Variants in CACNA1C observed in about 807,000 individuals in gnomAD.
The protein encoded by CACNA1C is calcium voltage-gated channel subunit alpha1 C, also known as voltage-dependent L-type calcium channel subunit alpha-1C.
In CACNA1C, 30 loss-of-function variants were observed where a neutral mutation model predicts 229.0. The ratio of observed to expected loss-of-function variants is 0.13; its 90% CI spans 0.10 to 0.18. CACNA1C has a LOEUF of 0.18. CACNA1C is among the 10% of genes least tolerant of loss of function. The pLI, the probability that CACNA1C is intolerant of heterozygous loss-of-function variation, is 1.00. For synonymous variants in CACNA1C, 1,114 were observed against 1,132.5 expected (o/e 0.98, Z 0.33); for missense variants, 1,658 against 2,845.0 (o/e 0.58, Z 9.49).
chr12:2,073,832 G>A (rs142754218), intron 1 of CACNA1C, among the ~76,000 whole-genome samples: 102 of 152,230 alleles, frequency 6.7e-4, no homozygotes, highest in African/African-American at 2.3e-3. Context: ...AGTTAAATCC[G>A]GCAAAGGAGA....
chr12:2,555,157 C>G (rs948285664), intron 10 of CACNA1C, among the ~76,000 whole-genome samples: 1 of 152,232 alleles, frequency 6.6e-6, no homozygotes, highest in African/African-American at 2.4e-5. Context: ...TTCCCAGCAC[C>G]CCCAGCGCCA....
intron 3 of CACNA1C, among the ~76,000 whole-genome samples, chr12:2,186,298 G>A (rs142486129): frequency 4.5e-4 from 68 of 152,282 alleles, no homozygotes; most frequent in African/African-American, 1.5e-3. Flanking sequence ...CATGTTATGG[G>A]TGGCCGGGAA....
Position 2,457,435 on chromosome 12 carries a change from C to T in CACNA1C, c.618-132C>T. 3 of 889,064 alleles carry T rather than the reference C, an allele frequency of 3.4e-6. 1 individual carries two copies. Among genetic ancestry groups the T allele is most frequent in the Middle Eastern group, 2.4e-4 (1 of 4,188 alleles). The allele number at this position is 889,064 out of a possible 1,614,324, so 55.1% of individuals were successfully genotyped here. ...CAACCACCCACAGACTCCACGCACA[C>T]CCACAACGCCCGCCCCTGGGCTGGA... is the stretch of plus-strand genomic sequence containing the variant. On this transcript the variant is annotated intron_variant, in intron 4 of 46. Transcript: ENST00000399655.
chr12:2,596,415 A>G (rs540576779), intron 20 of CACNA1C, among the ~76,000 whole-genome samples: 2 of 152,196 alleles, frequency 1.3e-5, no homozygotes, highest in Non-Finnish European at 2.9e-5. Flanking sequence ...GAGTCTTGGT[A>G]CCTTTGGTAG....
chr12:2,627,702 A>G (rs540473235), intron 29 of CACNA1C, among the ~76,000 whole-genome samples: 5 of 151,866 alleles, frequency 3.3e-5, no homozygotes, highest in Admixed American at 6.5e-5. Flanking sequence ...GCGCCACCCC[A>G]CCGTGGCAGC....
At chr12:2,041,267 A>ATTTTTTTT (rs2050023838) in intron 1 of CACNA1C, among the ~76,000 whole-genome samples, 2 of 99,380 alleles carry the variant, frequency 2.0e-5, no homozygotes, top group African/African-American at 9.8e-5. Context: ...TGCTAAGGGT[A>ATTTTTTTT]TTCTTTTTTT....
intron 11 of CACNA1C, among the ~76,000 whole-genome samples, chr12:2,562,726 C>T (rs1184675941): frequency 6.6e-6 from 1 of 152,108 alleles, no homozygotes; most frequent in Non-Finnish European, 1.5e-5. Context: ...GAAATCATAA[C>T]GTTTTAAATT....
At chr12:2,553,932 T>G (rs1227725056) in intron 10 of CACNA1C, among the ~76,000 whole-genome samples, 2 of 152,134 alleles carry the variant, frequency 1.3e-5, no homozygotes, top group Non-Finnish European at 2.9e-5. Flanking sequence ...TAATAAGAGC[T>G]GTGGGGGAGA....
intron 3 of CACNA1C, among the ~76,000 whole-genome samples, chr12:2,428,064 T>C (rs1008556434): frequency 1.3e-5 from 2 of 152,254 alleles, no homozygotes; most frequent in African/African-American, 2.4e-5. Context: ...CTGTCTCTTA[T>C]TACTTGCTTG....
At chr12:2,186,584 A>G (rs1228178697) in intron 3 of CACNA1C, among the ~76,000 whole-genome samples, 3 of 152,164 alleles carry the variant, frequency 2.0e-5, no homozygotes, top group African/African-American at 7.2e-5. Flanking sequence ...TGCTGGAGAC[A>G]TTGCTTATGG....
chr12:2,185,905 T>C (rs1356840573), intron 3 of CACNA1C, among the ~76,000 whole-genome samples: 1 of 152,132 alleles, frequency 6.6e-6, no homozygotes, highest in Non-Finnish European at 1.5e-5. Flanking sequence ...CTTCCTGCAG[T>C]CTCTCAGGCT....
intron 3 of CACNA1C, among the ~76,000 whole-genome samples, chr12:2,191,993 C>T (rs887545114): frequency 1.2e-4 from 18 of 152,070 alleles, no homozygotes; most frequent in African/African-American, 4.3e-4. Context: ...CGCACGCACA[C>T]ATGTATTCAC....
At chr12:2,230,087 C>G (rs3794296) in intron 3 of CACNA1C, among the ~76,000 whole-genome samples, 74,770 of 151,390 alleles carry the variant, frequency 0.49, 19,844 homozygotes, top group East Asian at 0.65. Flanking sequence ...GAAGAAGGGG[C>G]CTGGAGAGGT....
At chr12:2,226,027 G>C (rs2154355810) in intron 3 of CACNA1C, among the ~76,000 whole-genome samples, 1 of 152,164 alleles carries the variant, frequency 6.6e-6, no homozygotes, top group South Asian at 2.1e-4. Flanking sequence ...AATGCTAGGA[G>C]AGGAAGGTGA....
intron 3 of CACNA1C, among the ~76,000 whole-genome samples, chr12:2,209,827 C>T (rs921673904): frequency 1.1e-4 from 16 of 152,154 alleles, no homozygotes; most frequent in South Asian, 4.1e-4. Context: ...TCCATCCAGT[C>T]CCTAAATCAA....
chr12:2,427,845 C>T (rs954389312), intron 3 of CACNA1C, among the ~76,000 whole-genome samples: 2 of 152,142 alleles, frequency 1.3e-5, no homozygotes, highest in African/African-American at 4.8e-5. Context: ...GTCTTGAACT[C>T]CTTACCTCAA....
At chr12:2,327,497 T>C (rs1178072662) in intron 3 of CACNA1C, among the ~76,000 whole-genome samples, 1 of 152,234 alleles carries the variant, frequency 6.6e-6, no homozygotes, top group Non-Finnish European at 1.5e-5. Context: ...TTTCGTTCTG[T>C]GCCTTGGCAT....
chr12:2,227,677 C>T (rs1161153554), intron 3 of CACNA1C, among the ~76,000 whole-genome samples: 1 of 152,180 alleles, frequency 6.6e-6, no homozygotes, highest in East Asian at 1.9e-4. Flanking sequence ...TGACAATACA[C>T]CCCAGGTGTC....
intron 3 of CACNA1C, among the ~76,000 whole-genome samples, chr12:2,230,998 G>A (rs373334982): frequency 1.3e-4 from 20 of 152,140 alleles, no homozygotes; most frequent in East Asian, 7.7e-4. Context: ...TATTTGCCAC[G>A]CGGACTATTG....
Sources: gnomAD v4.1 joint callset for allele counts (sites outside exome capture counted in the v4.1 genomes callset) on GRCh38, gnomAD v4.1.1 for gene constraint, MANE v1.5 for transcripts, NCBI Gene and HGNC (gene_info 2026-07-23, HGNC 2026-07-21) for gene names.